The following ARHGAP32 variants were observed in gnomAD, a reference collection of about 807,000 sequenced individuals.
The protein encoded by ARHGAP32 is Rho GTPase activating protein 32, also known as rho GTPase-activating protein 32.
In ARHGAP32, 51 loss-of-function variants were observed where a neutral mutation model predicts 186.5. That is an observed-to-expected ratio of 0.27 (90% CI 0.22 to 0.35). ARHGAP32 has a LOEUF of 0.35. Among genes scored for constraint, ARHGAP32 ranks in the 10% least tolerant of loss-of-function variants. ARHGAP32 has a pLI of 1.00. For missense variants in ARHGAP32, 2,186 were observed against 2,623.5 expected, an observed-to-expected ratio of 0.83 and a Z score of 3.64; for synonymous variants, 950 against 964.3, an observed-to-expected ratio of 0.99 and a Z score of 0.27.
chr11:128,967,273 C>T lies in ARHGAP32; in HGVS notation c.*1634G>A, dbSNP rs1324847849. On this transcript the variant is annotated 3_prime_UTR_variant, in exon 23 of 23. Transcript: ENST00000682385. ...GCAATAATAGCAGCATGATTTTAGCCTCTTAAAAGATTTCCTCCTTTGCTC... is the reference window on the plus strand; with the variant it reads ...GCAATAATAGCAGCATGATTTTAGCTTCTTAAAAGATTTCCTCCTTTGCTC... 1 of 152,144 alleles carries T rather than the reference C, an allele frequency of 6.6e-6. No individual in the cohort carries two copies. Among genetic ancestry groups the T allele is most frequent in the Non-Finnish European group, 1.5e-5 (1 of 68,030 alleles). 9.4% of individuals were successfully genotyped at this position (152,144 alleles called of 1,614,324 possible).
chr11:129,005,972 G>A (rs1937745114), intron 11 of ARHGAP32, among the ~76,000 whole-genome samples: 1 of 151,938 alleles, frequency 6.6e-6, no homozygotes, highest in African/African-American at 2.4e-5. Context: ...CTGTCTTCAA[G>A]CTTACTAATC....
At chr11:129,255,006 T>C (rs1439709240) in intron 1 of ARHGAP32, among the ~76,000 whole-genome samples, 3 of 152,120 alleles carry the variant, frequency 2.0e-5, no homozygotes, top group Admixed American at 2.0e-4. Context: ...TGAGGGATGC[T>C]GTATGGTCAA....
chr11:128,988,884 A>G (rs1945956430), intron 12 of ARHGAP32, among the ~76,000 whole-genome samples: 1 of 152,230 alleles, frequency 6.6e-6, no homozygotes, highest in Admixed American at 6.5e-5. Flanking sequence ...ATAACCATTC[A>G]AACATTTACA....
At position 128,969,260 on chromosome 11, in the gene ARHGAP32, C is replaced by T. The variant is rs573437591; in HGVS notation, c.5953G>A (p.Glu1985Lys). 1 of 1,614,136 alleles carries T rather than the reference C, an allele frequency of 6.2e-7. No individual in the cohort carries two copies. Among genetic ancestry groups the T allele is most frequent in the South Asian group, 1.1e-5 (1 of 91,070 alleles). The part of the protein sequence containing the change: ...KHSRDCYKEE[E>K]HLTQSIVPPP... The stretch of plus-strand genomic sequence containing the variant: ...GGGACGATTGACTGAGTGAGGTGTT[C>T]TTCCTCCTTGTAGCAGTCTCTGGAG... Residue 1985 changes from glutamate to lysine, a missense_variant, in exon 23 of 23, where the codon GAA becomes AAA. Coordinates refer to ENST00000682385, the MANE Select transcript of ARHGAP32 (RefSeq NM_001378024.1). The surrounding 1 kb of genome is among the most constrained non-coding windows in gnomAD (Gnocchi z 4.8).
chr11:128,998,817 G>A (rs904524645), intron 11 of ARHGAP32, among the ~76,000 whole-genome samples: 14 of 152,228 alleles, frequency 9.2e-5, no homozygotes, highest in Admixed American at 4.6e-4. Context: ...ATCTCTGAAC[G>A]TAAATTGTGA....
chr11:129,224,334 T>C (rs978847976), intron 1 of ARHGAP32, among the ~76,000 whole-genome samples: 3 of 152,088 alleles, frequency 2.0e-5, no homozygotes, highest in Non-Finnish European at 4.4e-5. Flanking sequence ...CCAATGACAG[T>C]GAAGGAAAGG....
intron 22 of ARHGAP32, 29 bp from the exon 23 acceptor site, chr11:128,971,188 T>A (rs759936313): frequency 3.9e-6 from 6 of 1,548,084 alleles, no homozygotes; most frequent in Non-Finnish European, 8.8e-7. Flanking sequence ...ACTATGGGTC[T>A]ATTTTTTGTT....
At chr11:129,264,088 A>C (rs1945360345) in intron 1 of ARHGAP32, among the ~76,000 whole-genome samples, 1 of 152,226 alleles carries the variant, frequency 6.6e-6, no homozygotes, top group Non-Finnish European at 1.5e-5. Flanking sequence ...CGCATGCTAC[A>C]ACATAGATGA....
At chr11:129,059,635 G>A (rs151195895) in intron 10 of ARHGAP32, among the ~76,000 whole-genome samples, 43 of 151,762 alleles carry the variant, frequency 2.8e-4, no homozygotes, top group African/African-American at 9.4e-4. Context: ...AAGCAGCTGG[G>A]ATTACAAACA....
At chr11:129,276,394 G>A (rs966979158) in intron 1 of ARHGAP32, among the ~76,000 whole-genome samples, 1 of 152,110 alleles carries the variant, frequency 6.6e-6, no homozygotes, top group African/African-American at 2.4e-5. Context: ...CCTAATTCCT[G>A]GGCTCAAGTG....
intron 2 of ARHGAP32, among the ~76,000 whole-genome samples, chr11:129,135,851 C>T (rs548097977): frequency 2.4e-4 from 37 of 152,018 alleles, no homozygotes; most frequent in Non-Finnish European, 5.0e-4. Context: ...CAGACCCAAA[C>T]ATAAAAGGTT....
chr11:129,180,122 T>C lies in ARHGAP32; in HGVS notation c.116+11961A>G, dbSNP rs1470630007. On this transcript the variant is annotated intron_variant, in intron 1 of 22. Transcript: ENST00000682385. The stretch of plus-strand genomic sequence containing the variant: ...TACATATACCACTATATACAATTAT[T>C]TATTAAGAGAAAAAATAAATCAACA... Among the ~76,000 whole-genome samples, 3 of 152,106 alleles carry C rather than the reference T, an allele frequency of 2.0e-5. No individual in the cohort carries two copies. In the East Asian group the frequency reaches 5.8e-4, roughly 29 times the overall value.
intron 1 of ARHGAP32, among the ~76,000 whole-genome samples, chr11:129,278,369 T>C (rs1357314401): frequency 1.3e-5 from 2 of 152,220 alleles, no homozygotes; most frequent in African/African-American, 4.8e-5. Flanking sequence ...CCAAGCATTC[T>C]GCTTGGGTCT....
chr11:129,000,965 T>C (rs1413145042), intron 11 of ARHGAP32, among the ~76,000 whole-genome samples: 1 of 152,160 alleles, frequency 6.6e-6, no homozygotes, highest in African/African-American at 2.4e-5. Flanking sequence ...AATCTCATTA[T>C]TTTTTTATGG....
intron 6 of ARHGAP32, among the ~76,000 whole-genome samples, chr11:129,085,197 A>AT (rs1247425341): frequency 6.6e-6 from 1 of 151,770 alleles, no homozygotes; most frequent in African/African-American, 2.4e-5. Context: ...CTAATTTTTA[A>AT]TTTTTTTATA....
At position 128,976,681 on chromosome 11, in the gene ARHGAP32, T is replaced by TA. The variant is rs1431210933; in HGVS notation, c.2123-48dup. 14 of 1,506,102 alleles carry TA rather than the reference T, an allele frequency of 9.3e-6. No individual in the cohort carries two copies. In the Admixed American group the frequency reaches 1.7e-4, roughly 18 times the overall value. 93.3% of individuals were successfully genotyped at this position (1,506,102 alleles called of 1,614,324 possible). A position where few individuals can be genotyped will look rare whatever the true frequency, so the allele number is the denominator to read the frequency against. On this transcript the variant is annotated intron_variant, in intron 19 of 22. Coordinates refer to ENST00000682385, the MANE Select transcript of ARHGAP32 (RefSeq NM_001378024.1). ...GTGTGAAGATTTCTTATTTGTTACA[T>TA]ATGTGGTTAATGGGATCGGTGTTTT...
At chr11:129,041,236 C>CT (rs1418391953) in intron 10 of ARHGAP32, among the ~76,000 whole-genome samples, 1 of 152,076 alleles carries the variant, frequency 6.6e-6, no homozygotes, top group Non-Finnish European at 1.5e-5. Context: ...TCTAAGTCTG[C>CT]TTTTTTCCTT....
chr11:129,194,754 A>C (rs1944369216), upstream of ARHGAP32, among the ~76,000 whole-genome samples: 1 of 148,400 alleles, frequency 6.7e-6, no homozygotes, highest in Non-Finnish European at 1.5e-5. Flanking sequence ...ACTCCGTCTC[A>C]AAAAAAAAAG....
At chr11:129,113,168 C>T (rs1295834250) in intron 5 of ARHGAP32, among the ~76,000 whole-genome samples, 1 of 152,034 alleles carries the variant, frequency 6.6e-6, no homozygotes, top group Non-Finnish European at 1.5e-5. Flanking sequence ...TATGGTATTG[C>T]ACCAAATACA....
Sources: gnomAD v4.1 joint callset for allele counts (sites outside exome capture counted in the v4.1 genomes callset) on GRCh38, gnomAD v4.1.1 for gene constraint, Gnocchi (gnomAD v3.1) non-coding constraint, MANE v1.5 for transcripts, NCBI Gene and HGNC (gene_info 2026-07-23, HGNC 2026-07-21) for gene names.